FMN1: variants seen among roughly 807,000 people sequenced by gnomAD.
FMN1 encodes the protein formin-1.
A neutral mutation model predicts 132.4 loss-of-function variants in FMN1; 110 were observed. That is an observed-to-expected ratio of 0.83 (90% CI 0.71 to 0.97). FMN1 has a LOEUF of 0.97. Among genes scored for constraint, FMN1 ranks in the 50% least tolerant of loss-of-function variants. The pLI is 0.00. For missense variants in FMN1, 1,792 were observed against 1,705.3 expected (o/e 1.05, Z -0.90); for synonymous variants, 722 against 651.7 (o/e 1.11, Z -1.64).
chr15:32,913,862 T>A (rs2060621082), intron 10 of FMN1, among the ~76,000 whole-genome samples: 1 of 152,172 alleles, frequency 6.6e-6, no homozygotes, highest in South Asian at 2.1e-4. Context: ...ATACGACTCC[T>A]GAAGACTGAG....
At chr15:32,811,202 T>C (rs2057864592) in intron 17 of FMN1, 1 of 408,372 alleles carries the variant, frequency 2.4e-6, no homozygotes, top group Non-Finnish European at 4.9e-6. Context: ...TCTGGTATGC[T>C]TGCCCATGGA....
chr15:32,780,418 G>A (rs1228047476), intron 19 of FMN1, among the ~76,000 whole-genome samples: 3 of 152,154 alleles, frequency 2.0e-5, no homozygotes, highest in African/African-American at 4.8e-5. Flanking sequence ...GTTTACAAAT[G>A]TCATGGCAAT....
Position 32,767,491 on chromosome 15 carries a change from AC to A in FMN1, c.*6818del, listed in dbSNP as rs1389318944. 2 of 152,282 alleles carry A rather than the reference AC, an allele frequency of 1.3e-5. No individual in the cohort carries two copies. Among genetic ancestry groups the A allele is most frequent in the Non-Finnish European group, 2.9e-5 (2 of 68,016 alleles). 9.4% of individuals were successfully genotyped at this position (152,282 alleles called of 1,614,324 possible). A position where few individuals can be genotyped will look rare whatever the true frequency, so the allele number is the denominator to read the frequency against. Reference sequence around the variant, plus strand: ...ATCCCCTAAATCAAAGTCCAAGGCCACCCTGCTTGCCATGCTAGTCTAAATG... The same window carrying A: ...ATCCCCTAAATCAAAGTCCAAGGCCACCTGCTTGCCATGCTAGTCTAAATG... On this transcript the variant is annotated 3_prime_UTR_variant, in exon 21 of 21. Transcript: ENST00000616417.
intron 4 of FMN1, among the ~76,000 whole-genome samples, chr15:33,152,793 A>AAAAAAAAAAG (rs1555409161): frequency 3.3e-5 from 5 of 150,590 alleles, no homozygotes; most frequent in Non-Finnish European, 4.4e-5. Flanking sequence ...GATGCCAAAA[A>AAAAAAAAAAG]AAAAAAAAAA....
rs529871999 is a variant in FMN1 at position 32,895,499 on chromosome 15, A to G, written c.3714+3335T>C. ...CATGGCATCTTTATGTGAATTTTTTAAAGTGTGCCCTTTATAGGATGTATA... is the reference window on the plus strand; with the variant it reads ...CATGGCATCTTTATGTGAATTTTTTGAAGTGTGCCCTTTATAGGATGTATA... On this transcript the variant is annotated intron_variant, in intron 15 of 20. Transcript: ENST00000616417. Among the ~76,000 whole-genome samples the G allele has an allele frequency of 2.6e-5, 4 of 152,252 alleles. No homozygotes were observed. In the East Asian group the frequency reaches 5.8e-4, roughly 22 times the overall value.
intron 9 of FMN1, among the ~76,000 whole-genome samples, chr15:32,942,614 A>G (rs1482029789): frequency 6.6e-6 from 1 of 152,188 alleles, no homozygotes; most frequent in African/African-American, 2.4e-5. Flanking sequence ...GAAGATGATT[A>G]ATTTCTACAT....
rs1236169352 is a variant in FMN1, at chr15:32,976,156, G to A, written c.2224-6679C>T. 2.0e-5 allele frequency among the ~76,000 whole-genome samples: 3 copies of A among 152,148 alleles called. 1 individual carries two copies. Among genetic ancestry groups the A allele is most frequent in the South Asian group, 4.2e-4 (2 of 4,818 alleles). ...TCAGGTTATCTGCTGTACAACTTAA[G>A]TCAGTCAGTCTTTTCCAGGGACTCT... On this transcript the variant is annotated intron_variant, in intron 7 of 20. Transcript: ENST00000616417.
intron 15 of FMN1, 143 bp downstream of exon 15, chr15:32,898,691 T>C (rs1375765289): frequency 5.4e-6 from 3 of 555,696 alleles, no homozygotes; most frequent in South Asian, 2.6e-5. Flanking sequence ...TTGGTTTCAG[T>C]GTGCTCATCT....
chr15:32,984,490 G>C (rs915907710), intron 7 of FMN1, among the ~76,000 whole-genome samples: 2 of 152,044 alleles, frequency 1.3e-5, no homozygotes, highest in Non-Finnish European at 2.9e-5. Context: ...TACCCACCTT[G>C]CTTCTTGATA....
rs59735523 is a variant in FMN1, at chr15:32,840,446, A to G, written c.3928+16569T>C. Among the ~76,000 whole-genome samples the G allele has an allele frequency of 2.2e-3, 332 of 152,350 alleles. 2 individuals are homozygous for G. The highest frequency in any genetic ancestry group is 7.5e-3 in the African/African-American group (310 of 41,586). ...TAATCACCCGGTATCAGCACATTCA[A>G]GATACTACCGAGGACCTAACAGCAT... is the stretch of plus-strand genomic sequence containing the variant. On this transcript the variant is annotated intron_variant, in intron 17 of 20. Transcript: ENST00000616417.
chr15:33,042,372 G>A (rs1308024787), intron 6 of FMN1, among the ~76,000 whole-genome samples: 1 of 152,064 alleles, frequency 6.6e-6, no homozygotes, highest in Non-Finnish European at 1.5e-5. Flanking sequence ...TCATTTCATA[G>A]CTCTTGAGAA....
At chr15:32,973,844 T>A (rs1326417533) in intron 7 of FMN1, among the ~76,000 whole-genome samples, 3 of 152,346 alleles carry the variant, frequency 2.0e-5, no homozygotes, top group Admixed American at 6.5e-5. Flanking sequence ...ACACTATTTT[T>A]AATTTTATTT....
chr15:33,101,952 T>G (rs374950174), intron 4 of FMN1, among the ~76,000 whole-genome samples: 2 of 152,158 alleles, frequency 1.3e-5, no homozygotes, highest in African/African-American at 4.8e-5. Context: ...TCACTTTATT[T>G]GGACTGACTG....
intron 4 of FMN1, among the ~76,000 whole-genome samples, chr15:33,134,281 A>G (rs1185746790): frequency 6.6e-6 from 1 of 152,208 alleles, no homozygotes; most frequent in East Asian, 1.9e-4. Context: ...TATAGAAAAT[A>G]ACATAACAAT....
Position 32,922,401 on chromosome 15 carries a change from G to GCA in FMN1, c.3226+3771_3226+3772dup, listed in dbSNP as rs1430973944. ...GCATGACACATTAGCCCAGTTATTT[G>GCA]CAAACAATGCTTAATCACCATAGAA... is the stretch of plus-strand genomic sequence containing the variant. On this transcript the variant is annotated intron_variant, in intron 10 of 20. Coordinates refer to ENST00000616417, the MANE Select transcript of FMN1 (RefSeq NM_001277313.2). Among the ~76,000 whole-genome samples, 13 of 152,266 alleles carry GCA rather than the reference G, an allele frequency of 8.5e-5. No individual in the cohort carries two copies. In the East Asian group the frequency reaches 2.5e-3, roughly 29 times the overall value.
chr15:33,129,105 T>C (rs1314505783), intron 4 of FMN1, among the ~76,000 whole-genome samples: 1 of 152,120 alleles, frequency 6.6e-6, no homozygotes, highest in African/African-American at 2.4e-5. Flanking sequence ...GTTCTCCAAG[T>C]CCCCACAAAA....
At chr15:33,081,731 C>A (rs911074852) in intron 5 of FMN1, among the ~76,000 whole-genome samples, 1 of 152,128 alleles carries the variant, frequency 6.6e-6, no homozygotes. Context: ...AAATCCTGCC[C>A]GTGCCCTTGC....
intron 10 of FMN1, 49 bp downstream of exon 10, chr15:32,926,125 T>C (rs1197613650): frequency 1.9e-6 from 2 of 1,027,158 alleles, no homozygotes; most frequent in East Asian, 2.5e-5. Context: ...GAATGAAATG[T>C]TTTTTAAAAA....
At chr15:33,082,621 C>G (rs2038527542) in intron 5 of FMN1, among the ~76,000 whole-genome samples, 1 of 152,052 alleles carries the variant, frequency 6.6e-6, no homozygotes, top group African/African-American at 2.4e-5. Flanking sequence ...TATTCAGTTG[C>G]CTTTGATAAA....
Sources: gnomAD v4.1 joint callset for allele counts (sites outside exome capture counted in the v4.1 genomes callset) on GRCh38, gnomAD v4.1.1 for gene constraint, MANE v1.5 for transcripts, NCBI Gene and HGNC (gene_info 2026-07-23, HGNC 2026-07-21) for gene names.